Variants in OBSL1 observed in about 807,000 individuals in gnomAD.
The protein encoded by OBSL1 is obscurin-like protein 1.
OBSL1 carries 160 observed loss-of-function variants against 172.0 expected under a neutral mutation model. The ratio of observed to expected loss-of-function variants is 0.93; its 90% CI spans 0.82 to 1.06. The LOEUF (loss-of-function observed/expected upper bound fraction) is 1.06. Ranked by LOEUF, OBSL1 falls within the 50% of genes least tolerant of loss-of-function variation. The pLI is 0.00. For missense variants in OBSL1, 2,681 were observed against 2,715.4 expected (o/e 0.99, Z 0.28); for synonymous variants, 1,200 against 1,196.3 (o/e 1.00, Z -0.06).
rs1197623916 is a variant in OBSL1, at chr2:219,556,271, C to T, written c.4358G>A (p.Arg1453Gln). ...CTCTGCCCGCACATCCTGCAACCGC[C>T]GTAGGAACAGCAGCTCTGTCTCTGG... ...HVRETELLFL[R>Q]RLQDVRAEEG... is the part of the protein sequence containing the mutation. Residue 1453 changes from arginine to glutamine, a missense_variant, in exon 14 of 21, where the codon CGG becomes CAG. Transcript: ENST00000404537. 10 of 1,588,906 alleles carry T rather than the reference C, an allele frequency of 6.3e-6. No homozygotes were observed. The highest frequency in any genetic ancestry group is 3.4e-5 in the South Asian group (3 of 87,874).
chr2:219,552,742 T>A, intron 17 of OBSL1, 45 bp from the exon 18 acceptor site: 4 of 1,513,116 alleles, frequency 2.6e-6, no homozygotes, highest in Non-Finnish European at 3.5e-6. Flanking sequence ...CAGAGGGCAG[T>A]TACCGGTCAC....
intron 8 of OBSL1, among the ~76,000 whole-genome samples, chr2:219,560,097 A>G (rs1696352492): frequency 6.6e-6 from 1 of 152,236 alleles, no homozygotes; most frequent in Admixed American, 6.5e-5. Context: ...AAGGTCCAGG[A>G]ACAGTCCCAA....
rs140339099 is a variant in OBSL1 at position 219,551,396 on chromosome 2, C to T, written c.5683+133G>A. ...GGGTGTGCTCTACCCCTCCCCTCCC[C>T]CATCCCCACCTCCTACGTATCCCAG... On this transcript the variant is annotated intron_variant, in intron 20 of 20. Coordinates refer to ENST00000404537, the MANE Select transcript of OBSL1 (RefSeq NM_015311.3). The T allele has an allele frequency of 8.0e-4, 1,090 of 1,360,110 alleles. 6 individuals carry two copies. The African/African-American group carries it at 0.014, about 17-fold the overall frequency. 84.3% of individuals were successfully genotyped at this position (1,360,110 alleles called of 1,614,324 possible). A position where few individuals can be genotyped will look rare whatever the true frequency, so the allele number is the denominator to read the frequency against.
In OBSL1 at chr2:219,552,998, C is replaced by G. The variant is rs1229846339; in HGVS notation, c.5016G>C (p.Pro1672=). The part of the protein sequence containing the change: ...EKDGNALTPS[P]RLRLQALGTR... ...TGCCGAGGGCCTGGAGCCGGAGCCGCGGGCTAGGCGTAAGCGCGTTCCCGT... is the reference window on the plus strand; with the variant it reads ...TGCCGAGGGCCTGGAGCCGGAGCCGGGGGCTAGGCGTAAGCGCGTTCCCGT... Residue 1672 remains proline, a synonymous_variant, in exon 17 of 21, where the codon CCG becomes CCC. Transcript: ENST00000404537. The G allele has an allele frequency of 1.3e-6, 2 of 1,523,760 alleles. No individual in the cohort carries two copies. The highest frequency in any genetic ancestry group is 4.1e-5 in the Admixed American group (2 of 49,118). 94.4% of individuals were successfully genotyped at this position (1,523,760 alleles called of 1,614,324 possible). A position where few individuals can be genotyped will look rare whatever the true frequency, so the allele number is the denominator to read the frequency against.
Position 219,553,573 on chromosome 2 carries a change from CCTT to C in OBSL1, c.4987_4989del (p.Lys1663del), listed in dbSNP as rs760511999. On this transcript the variant is annotated inframe_deletion and splice_region_variant, in exon 16 of 21. Coordinates refer to ENST00000404537, the MANE Select transcript of OBSL1 (RefSeq NM_015311.3). ...GGGCTTGGCTGGGGCTGGGATCTGA[CCTT>C]CTCCCAGGTAACATCAGCCAAAGCT... 2.5e-6 allele frequency: 4 copies of C among 1,611,068 alleles called. No homozygotes were observed. The highest frequency in any genetic ancestry group is 1.3e-5 in the African/African-American group (1 of 74,880).
intron 20 of OBSL1, 197 bp downstream of exon 20, chr2:219,551,332 G>A (rs924914162): frequency 1.6e-5 from 22 of 1,409,682 alleles, no homozygotes; most frequent in Non-Finnish European, 2.0e-5. Context: ...ACCAGGAGCA[G>A]CTGATCTGAG....
At chr2:219,558,741 C>G (rs979329953) in intron 9 of OBSL1, among the ~76,000 whole-genome samples, 2 of 152,124 alleles carry the variant, frequency 1.3e-5, no homozygotes, top group African/African-American at 4.8e-5. Flanking sequence ...TAAGGTCACA[C>G]AGACAGAAAG....
rs1697028339 is a variant in OBSL1 at position 219,567,851 on chromosome 2, C to T, written c.1401G>A (p.Glu467=). Reference sequence around the variant, plus strand: ...AGCTGCTCTGGCAGATGACCGGCAGCTCCTCCCCATCACGGCTCCAGCGTC... The same window carrying T: ...AGCTGCTCTGGCAGATGACCGGCAGTTCCTCCCCATCACGGCTCCAGCGTC... ...VEGRWSRDGE[E]LPVICQSSSG... is the part of the protein sequence containing the mutation. The change falls in exon 3 of 21, where the codon GAG becomes GAA. Residue 467 remains glutamate (E), a synonymous_variant. Coordinates refer to ENST00000404537, the MANE Select transcript of OBSL1 (RefSeq NM_015311.3). 6.2e-7 allele frequency: 1 copy of T among 1,613,932 alleles called. No homozygotes were observed. Among genetic ancestry groups the T allele is most frequent in the Non-Finnish European group, 8.5e-7 (1 of 1,179,904 alleles).
At position 219,571,154 on chromosome 2, in the gene OBSL1, C is replaced by T. The variant is rs373427330; in HGVS notation, c.79G>A (p.Ala27Thr). The change falls in exon 1 of 21, where the codon GCC becomes ACC. Residue 27 changes from alanine (A) to threonine (T), a missense_variant. Around this residue, in one of 5 missense-constraint regions of OBSL1, gnomAD observed 90 missense variants for 76.6 expected, o/e 1.18. Transcript: ENST00000404537. ...FPRPVRVVSG[A>T]EAELKCVVLG... ...ACCACGCACTTGAGCTCGGCCTCGGCGCCACTTACCACCCGCACAGGCCGC... is the reference window on the plus strand; with the variant it reads ...ACCACGCACTTGAGCTCGGCCTCGGTGCCACTTACCACCCGCACAGGCCGC... 8.1e-5 allele frequency: 121 copies of T among 1,488,240 alleles called. No individual in the cohort carries two copies. In the African/African-American group the frequency reaches 1.5e-3, roughly 19 times the overall value. 92.2% of individuals were successfully genotyped at this position (1,488,240 alleles called of 1,614,324 possible). A position where few individuals can be genotyped will look rare whatever the true frequency, so the allele number is the denominator to read the frequency against.
At chr2:219,561,778 C>T in intron 8 of OBSL1, 1 of 683,484 alleles carries the variant, frequency 1.5e-6, no homozygotes. Context: ...CAAATGCCCA[C>T]AGGGGCCAGG....
At chr2:219,551,894 C>T (rs964904363) in intron 19 of OBSL1, 96 bp from the exon 20 acceptor site, 2 of 899,658 alleles carry the variant, frequency 2.2e-6, no homozygotes, top group South Asian at 3.2e-5. Flanking sequence ...CACTCCTGGC[C>T]TTAGCCCTCT....
chr2:219,571,246 C>T lies in OBSL1; in HGVS notation c.-14G>A. ...GCTCGCCTTCATCGCGGCGGCCGACCGCCTGCAGCGGCGAACGGTGGGGGG... is the reference window on the plus strand; with the variant it reads ...GCTCGCCTTCATCGCGGCGGCCGACTGCCTGCAGCGGCGAACGGTGGGGGG... On this transcript the variant is annotated 5_prime_UTR_variant, in exon 1 of 21. Transcript: ENST00000404537. 1.6e-6 allele frequency: 2 copies of T among 1,285,814 alleles called. No homozygotes were observed. Among genetic ancestry groups the T allele is most frequent in the Non-Finnish European group, 2.0e-6 (2 of 1,011,930 alleles). 79.7% of individuals were successfully genotyped at this position (1,285,814 alleles called of 1,614,324 possible). A position where few individuals can be genotyped will look rare whatever the true frequency, so the allele number is the denominator to read the frequency against.
intron 20 of OBSL1, chr2:219,551,078 C>T: frequency 7.1e-7 from 1 of 1,416,858 alleles, no homozygotes; most frequent in Non-Finnish European, 9.2e-7. Flanking sequence ...TGGGATGTCT[C>T]TTATGGGGAA....
rs376328439 is a variant in OBSL1, at chr2:219,558,208, T to G, written c.3478A>C (p.Ile1160Leu). 1 of 1,608,350 alleles carries G rather than the reference T, an allele frequency of 6.2e-7. No homozygotes were observed. The highest frequency in any genetic ancestry group is 1.1e-5 in the South Asian group (1 of 90,846). Residue 1160 changes from isoleucine (I) to leucine (L), a missense_variant, in exon 10 of 21, where the codon ATC becomes CTC. By Grantham distance (5) the Ile-to-Leu change is conservative. This residue lies in a region of OBSL1 where 1,765 missense variants were observed against 1,748.3 expected (regional missense o/e 1.01). Transcript: ENST00000404537. ...EYVCETRHEA[I>L]TFNVILAEPP... ...CCAGCCAGGATGACATTGAAGGTGA[T>G]GGCCTCATGCCGGGTCTCACACACA...
At chr2:219,547,833 T>C, downstream of OBSL1, 4 of 1,589,098 alleles carry the variant, frequency 2.5e-6, no homozygotes, top group Non-Finnish European at 3.4e-6. Flanking sequence ...CTGCTCACTC[T>C]GCGCTGGCCC....
chr2:219,568,308 G>A lies in OBSL1; in HGVS notation c.1029C>T (p.Phe343=). The part of the protein sequence containing the change: ...QLHVKEPRLR[F]TRPLQDVEGR... ...CCTCCACGTCCTGCAGGGGCCGTGT[G>A]AACCGGAGGCGGGGCTCTGTGGAGA... Residue 343 remains phenylalanine, a synonymous_variant, in exon 2 of 21, where the codon TTC becomes TTT. Transcript: ENST00000404537. This position sits in a 1 kb window ranked among gnomAD's most constrained non-coding sequence, Gnocchi z 4.1. The A allele has an allele frequency of 6.2e-7, 1 of 1,605,638 alleles. No individual in the cohort carries two copies. The highest frequency in any genetic ancestry group is 8.5e-7 in the Non-Finnish European group (1 of 1,176,186).
intron 14 of OBSL1, chr2:219,555,234 A>G (rs1695914648): frequency 6.4e-6 from 1 of 157,044 alleles, no homozygotes; most frequent in African/African-American, 2.4e-5. Flanking sequence ...CCATTCACCA[A>G]GCTCTGTGTA....
chr2:219,559,521 C>T, intron 8 of OBSL1, 24 bp from the exon 9 acceptor site: 2 of 1,596,884 alleles, frequency 1.3e-6, no homozygotes, highest in Non-Finnish European at 1.7e-6. Context: ...ACAACCACAG[C>T]CTGTCACAAG....
rs764176516 is a variant in OBSL1 at position 219,559,463 on chromosome 2, C to T, written c.2988G>A (p.Glu996=). ...CCAAGGTCACGGCGATCAAGGTCAC[C>T]TCATCGCGAGGGTATATGATCCGCA... The part of the protein sequence containing the change: ...PPVRIIYPRD[E]VTLIAVTLEC... The change falls in exon 9 of 21, where the codon GAG becomes GAA. Residue 996 remains glutamate (E), a synonymous_variant. Coordinates refer to ENST00000404537, the MANE Select transcript of OBSL1 (RefSeq NM_015311.3). 3.1e-6 allele frequency: 5 copies of T among 1,613,850 alleles called. No homozygotes were observed. The highest frequency in any genetic ancestry group is 1.7e-5 in the Admixed American group (1 of 60,008).
Sources: allele counts gnomAD v4.1 joint callset (sites outside exome capture counted in the v4.1 genomes callset), GRCh38; gene constraint gnomAD v4.1.1; regional missense constraint gnomAD v4.1.1; non-coding constraint Gnocchi (gnomAD v3.1); transcripts MANE v1.5; gene names NCBI Gene and HGNC (gene_info 2026-07-23, HGNC 2026-07-21).